Variants in GAS2L3 observed in about 807,000 individuals in gnomAD.
The protein encoded by GAS2L3 is GAS2-like protein 3.
GAS2L3 carries 28 observed loss-of-function variants against 37.0 expected under a neutral mutation model. The observed-to-expected ratio is 0.76, with a 90% CI of 0.56 to 1.04. GAS2L3 has a LOEUF of 1.04. GAS2L3 is among the 50% of genes least tolerant of loss of function. The probability of loss-of-function intolerance (pLI) is 0.00; values close to 1 mark genes in which losing one functional copy is unlikely to be tolerated. For synonymous variants in GAS2L3, 290 were observed against 296.6 expected (o/e 0.98, Z 0.23); for missense variants, 793 against 817.6 (o/e 0.97, Z 0.37).
chr12:100,624,469 A>T lies in GAS2L3; in HGVS notation c.1664A>T (p.Lys555Ile). 6.2e-7 allele frequency: 1 copy of T among 1,614,100 alleles called. No homozygotes were observed. The highest frequency in any genetic ancestry group is 8.5e-7 in the Non-Finnish European group (1 of 1,180,036). Residue 555 changes from lysine (K) to isoleucine (I), a missense_variant, in exon 10 of 10, where the codon AAA becomes ATA. Coordinates refer to ENST00000547754, the MANE Select transcript of GAS2L3 (RefSeq NM_174942.3). The part of the protein sequence containing the change: ...QAKPVPAQKL[K>I]SALNLNQPVS... ...AAGCCAGTCCCAGCACAGAAACTTA[A>T]ATCGGCCTTGAATTTAAATCAGCCA...
intron 2 of GAS2L3, chr12:100,593,705 C>G (rs1171316303): frequency 6.6e-6 from 1 of 152,046 alleles, no homozygotes. Flanking sequence ...AGAAGTGGAT[C>G]TTTGTTGCGG....
intron 1 of GAS2L3, chr12:100,580,016 C>G (rs1450573373): frequency 7.3e-7 from 1 of 1,364,068 alleles, no homozygotes; most frequent in East Asian, 2.3e-5. Flanking sequence ...CAGTAACAGG[C>G]TACATCTTTG....
At chr12:100,607,839 A>G (rs1956075603) in intron 5 of GAS2L3, among the ~76,000 whole-genome samples, 1 of 152,046 alleles carries the variant, frequency 6.6e-6, no homozygotes, top group Admixed American at 6.6e-5. Context: ...TCTTGAATTT[A>G]TTTGAGTTTC....
intron 8 of GAS2L3, among the ~76,000 whole-genome samples, chr12:100,620,714 G>A (rs578007928): frequency 5.3e-4 from 81 of 152,066 alleles, no homozygotes; most frequent in Non-Finnish European, 5.9e-4. Context: ...TCACGATTTA[G>A]GGTCCTGTTA....
Position 100,623,829 on chromosome 12 carries a change from A to G in GAS2L3, c.1024A>G (p.Ser342Gly), listed in dbSNP as rs1313744427. 3 of 1,614,132 alleles carry G rather than the reference A, an allele frequency of 1.9e-6. No individual in the cohort carries two copies. The highest frequency in any genetic ancestry group is 2.2e-5 in the East Asian group (1 of 44,878). ...KPSVPVSIPK[S>G]KEKQGRPPGA... is the part of the protein sequence containing the mutation. ...CAGCGTGCCAGTTAGTATTCCAAAA[A>G]GCAAAGAAAAACAGGGACGTCCACC... The change falls in exon 10 of 10, where the codon AGC becomes GGC. Residue 342 changes from serine to glycine, a missense_variant. Ser to Gly is a moderately conservative substitution (Grantham distance 56). Transcript: ENST00000547754.
At chr12:100,601,371 T>C (rs968103728) in intron 4 of GAS2L3, among the ~76,000 whole-genome samples, 9 of 152,112 alleles carry the variant, frequency 5.9e-5, no homozygotes, top group Admixed American at 1.3e-4. Context: ...CAAGGAATAT[T>C]AATATGCAGT....
rs1226315322 is a variant in GAS2L3, at chr12:100,627,775, G to C, written c.*2885G>C. The C allele has an allele frequency of 1.3e-5, 2 of 152,132 alleles. No homozygotes were observed. 9.4% of individuals were successfully genotyped at this position (152,132 alleles called of 1,614,324 possible). The stretch of plus-strand genomic sequence containing the variant: ...TTGTAAATTCTTTTTTGTGTTTAAT[G>C]TTTAATAAAACGAGTATTAAGCTTA... On this transcript the variant is annotated 3_prime_UTR_variant, in exon 10 of 10. Transcript: ENST00000547754.
chr12:100,590,467 TG>T (rs1451220571), intron 1 of GAS2L3, among the ~76,000 whole-genome samples: 2 of 152,116 alleles, frequency 1.3e-5, no homozygotes, highest in East Asian at 1.9e-4. Context: ...ACACTGCTGG[TG>T]GAAATGTAAA....
At chr12:100,584,985 T>G (rs1955761654) in intron 1 of GAS2L3, among the ~76,000 whole-genome samples, 1 of 148,372 alleles carries the variant, frequency 6.7e-6, no homozygotes, top group Admixed American at 6.8e-5. Flanking sequence ...GCCTCCTGGG[T>G]TCACGCCATT....
At chr12:100,623,506 G>A (rs1956284759) in intron 9 of GAS2L3, 56 bp from the exon 10 acceptor site, 2 of 1,482,902 alleles carry the variant, frequency 1.3e-6, no homozygotes, top group Non-Finnish European at 1.8e-6. Flanking sequence ...CTAATGAATT[G>A]TAACTATAAA....
chr12:100,608,529 CT>C (rs1205715762), intron 5 of GAS2L3, among the ~76,000 whole-genome samples: 6 of 149,728 alleles, frequency 4.0e-5, no homozygotes, highest in Admixed American at 6.7e-5. Flanking sequence ...AGATTGAAGT[CT>C]TTTTTTTTTG....
At chr12:100,578,403 C>A (rs1955664888) in intron 1 of GAS2L3, among the ~76,000 whole-genome samples, 1 of 152,086 alleles carries the variant, frequency 6.6e-6, no homozygotes, top group Non-Finnish European at 1.5e-5. Context: ...AAAGGCAGGA[C>A]CATTTGATGA....
In GAS2L3 at chr12:100,618,561, T is replaced by C; in HGVS notation, c.622T>C (p.Cys208Arg). The change falls in exon 8 of 10, where the codon TGT becomes CGT. Residue 208 changes from cysteine to arginine, a missense_variant. Transcript: ENST00000547754. ...TTCCATCAGCATTCCAAAATCATGC[T>C]GTCGGCATGAAGAGCTACATGAAGC... is the stretch of plus-strand genomic sequence containing the variant. ...EDSISIPKSCCRHEELHEAVK... is the reference protein window; with the variant it reads ...EDSISIPKSCRRHEELHEAVK... 1 of 1,612,214 alleles carries C rather than the reference T, an allele frequency of 6.2e-7. No homozygotes were observed. Among genetic ancestry groups the C allele is most frequent in the Non-Finnish European group, 8.5e-7 (1 of 1,179,184 alleles).
chr12:100,618,403 T>C lies in GAS2L3; in HGVS notation c.510-46T>C, dbSNP rs369342577. The C allele has an allele frequency of 5.7e-6, 9 of 1,565,752 alleles. No homozygotes were observed. In the African/African-American group the frequency reaches 9.6e-5, roughly 17 times the overall value. ...TCTATCTTGATATGCAGGCAAGTAC[T>C]GGGTCAACTTTGCTTGAATGATCAG... On this transcript the variant is annotated intron_variant, in intron 7 of 9. Transcript: ENST00000547754.
chr12:100,580,628 G>A (rs1021755897), intron 1 of GAS2L3, among the ~76,000 whole-genome samples: 3 of 152,118 alleles, frequency 2.0e-5, no homozygotes, highest in Non-Finnish European at 4.4e-5. Context: ...ACAACTATAT[G>A]AACTATTTTA....
intron 6 of GAS2L3, among the ~76,000 whole-genome samples, chr12:100,616,471 G>C (rs1956188844): frequency 6.6e-6 from 1 of 151,854 alleles, no homozygotes; most frequent in Non-Finnish European, 1.5e-5. Context: ...GTCTCACTCT[G>C]TCACCCAGGA....
intron 1 of GAS2L3, chr12:100,579,508 A>G (rs951310293): frequency 4.8e-5 from 37 of 774,374 alleles, no homozygotes; most frequent in Non-Finnish European, 7.7e-5. Flanking sequence ...AAATATTAAG[A>G]TTTAAATTTC....
At chr12:100,582,245 C>A (rs1312571714) in intron 1 of GAS2L3, among the ~76,000 whole-genome samples, 1 of 152,214 alleles carries the variant, frequency 6.6e-6, no homozygotes, top group Non-Finnish European at 1.5e-5. Flanking sequence ...TGGTGGGGAA[C>A]TTCTGAGACT....
rs748099277 is a variant in GAS2L3, at chr12:100,600,360, G to T, written c.19-22G>T. On this transcript the variant is annotated intron_variant, in intron 3 of 9. Coordinates refer to ENST00000547754, the MANE Select transcript of GAS2L3 (RefSeq NM_174942.3). ...TAGCAAAGGTTTTATTCATTCAGTT[G>T]ATTGATTTTTTTTTTCTTTAGGTAT... 5 of 1,508,540 alleles carry T rather than the reference G, an allele frequency of 3.3e-6. No individual in the cohort carries two copies. The East Asian group carries it at 1.1e-4, about 34-fold the overall frequency. The allele number at this position is 1,508,540 out of a possible 1,614,324, so 93.4% of individuals were successfully genotyped here.
Sources: allele counts gnomAD v4.1 joint callset (sites outside exome capture counted in the v4.1 genomes callset), GRCh38; gene constraint gnomAD v4.1.1; transcripts MANE v1.5; gene names NCBI Gene and HGNC (gene_info 2026-07-23, HGNC 2026-07-21).